ZSWIM6: variants seen among roughly 807,000 people sequenced by gnomAD.
ZSWIM6 encodes the protein zinc finger SWIM domain-containing protein 6.
ZSWIM6 carries 9 observed loss-of-function variants against 113.2 expected under a neutral mutation model. The ratio of observed to expected loss-of-function variants is 0.08; its 90% CI spans 0.05 to 0.14. The LOEUF (loss-of-function observed/expected upper bound fraction) is 0.14. Ranked by LOEUF, ZSWIM6 falls within the 10% of genes least tolerant of loss-of-function variation. The probability of loss-of-function intolerance (pLI) is 1.00; values close to 1 mark genes in which losing one functional copy is unlikely to be tolerated. For missense variants in ZSWIM6, 1,162 were observed against 1,552.2 expected (o/e 0.75, Z 4.22); for synonymous variants, 611 against 606.5 (o/e 1.01, Z -0.11).
intron 1 of ZSWIM6, among the ~76,000 whole-genome samples, chr5:61,453,276 A>G (rs1747122730): frequency 6.6e-6 from 1 of 152,046 alleles, no homozygotes; most frequent in Admixed American, 6.6e-5. Context: ...TATTATATAC[A>G]TTGTGGGATG....
chr5:61,398,106 T>G (rs1165334382), intron 1 of ZSWIM6, among the ~76,000 whole-genome samples: 1 of 152,102 alleles, frequency 6.6e-6, no homozygotes, highest in African/African-American at 2.4e-5. Context: ...GTGGTTCCAG[T>G]TGAAGTGTGG....
intron 1 of ZSWIM6, among the ~76,000 whole-genome samples, chr5:61,380,110 C>G (rs1485167718): frequency 1.3e-5 from 2 of 151,990 alleles, no homozygotes; most frequent in African/African-American, 4.8e-5. Flanking sequence ...AGTTTCGCTC[C>G]TGTCACCCAG....
chr5:61,397,651 T>C (rs966781161), intron 1 of ZSWIM6, among the ~76,000 whole-genome samples: 1 of 152,146 alleles, frequency 6.6e-6, no homozygotes, highest in Non-Finnish European at 1.5e-5. Flanking sequence ...TCAAACATAC[T>C]AAAGGAAAAT....
intron 9 of ZSWIM6, among the ~76,000 whole-genome samples, chr5:61,532,559 A>G (rs952232787): frequency 2.0e-5 from 3 of 152,218 alleles, no homozygotes; most frequent in Admixed American, 1.3e-4. Flanking sequence ...GAACTACTAC[A>G]TATAGGGAAG....
intron 1 of ZSWIM6, among the ~76,000 whole-genome samples, chr5:61,344,744 G>A (rs1187610423): frequency 2.0e-5 from 3 of 152,198 alleles, no homozygotes; most frequent in Non-Finnish European, 4.4e-5. Flanking sequence ...TTTTAGCATG[G>A]CCCTACATCA....
chr5:61,543,433 A>C lies in ZSWIM6; in HGVS notation c.2786-22A>C. 1 of 1,537,322 alleles carries C rather than the reference A, an allele frequency of 6.5e-7. No homozygotes were observed. The highest frequency in any genetic ancestry group is 8.8e-7 in the Non-Finnish European group (1 of 1,139,106). The stretch of plus-strand genomic sequence containing the variant: ...TGGGCAGCCTCCTCGTCAGTAATAG[A>C]GCCTGTTTGTGTTCCTTGCAGGGGT... On this transcript the variant is annotated intron_variant, in intron 13 of 13. Transcript: ENST00000252744. This position sits in a 1 kb window ranked among gnomAD's most constrained non-coding sequence, Gnocchi z 4.3.
At chr5:61,467,601 G>C (rs1185340625) in intron 1 of ZSWIM6, among the ~76,000 whole-genome samples, 1 of 152,156 alleles carries the variant, frequency 6.6e-6, no homozygotes, top group African/African-American at 2.4e-5. Context: ...AGGGGTCCCA[G>C]GACCATACAT....
intron 1 of ZSWIM6, among the ~76,000 whole-genome samples, chr5:61,450,934 GGTTT>G (rs1747074150): frequency 6.6e-6 from 1 of 152,120 alleles, no homozygotes; most frequent in African/African-American, 2.4e-5. Flanking sequence ...ATTAAATTGA[GGTTT>G]GTTTATTTAT....
chr5:61,473,255 T>G (rs902079632), intron 2 of ZSWIM6, among the ~76,000 whole-genome samples: 1 of 152,212 alleles, frequency 6.6e-6, no homozygotes, highest in Non-Finnish European at 1.5e-5. Context: ...TCATACATGT[T>G]AAAGCTTGGT....
chr5:61,443,465 A>G (rs2112149443), intron 1 of ZSWIM6, among the ~76,000 whole-genome samples: 1 of 152,294 alleles, frequency 6.6e-6, no homozygotes, highest in East Asian at 1.9e-4. Context: ...CTAACATAAC[A>G]GATAAGCCTA....
intron 9 of ZSWIM6, among the ~76,000 whole-genome samples, chr5:61,534,607 C>T (rs1007085696): frequency 6.6e-6 from 1 of 152,118 alleles, no homozygotes; most frequent in Non-Finnish European, 1.5e-5. Context: ...AAAAACTTTA[C>T]AGTAACTAAA....
chr5:61,370,144 A>G (rs1745236869), intron 1 of ZSWIM6, among the ~76,000 whole-genome samples: 1 of 152,212 alleles, frequency 6.6e-6, no homozygotes, highest in South Asian at 2.1e-4. Context: ...ATTATGAAAC[A>G]TCCTTATCAT....
At chr5:61,382,887 G>A (rs1438975050) in intron 1 of ZSWIM6, among the ~76,000 whole-genome samples, 2 of 152,164 alleles carry the variant, frequency 1.3e-5, no homozygotes, top group East Asian at 1.9e-4. Flanking sequence ...TAGGAAATTA[G>A]GGAGCTAATT....
intron 1 of ZSWIM6, among the ~76,000 whole-genome samples, chr5:61,440,130 A>AT (rs1746794644): frequency 6.6e-6 from 1 of 152,154 alleles, no homozygotes. Context: ...TGAAAAAAAA[A>AT]GCGCGAGAGT....
chr5:61,498,336 C>A (rs1377361683), intron 4 of ZSWIM6, among the ~76,000 whole-genome samples: 1 of 152,190 alleles, frequency 6.6e-6, no homozygotes, highest in Non-Finnish European at 1.5e-5. Flanking sequence ...AGCGGGTGGG[C>A]TGCCATTGCA....
chr5:61,394,438 A>G (rs1745798416), intron 1 of ZSWIM6, among the ~76,000 whole-genome samples: 1 of 152,220 alleles, frequency 6.6e-6, no homozygotes, highest in Non-Finnish European at 1.5e-5. Flanking sequence ...CTGCTAAGCA[A>G]TATTAATTCT....
chr5:61,537,960 A>G (rs1302174853), intron 10 of ZSWIM6, among the ~76,000 whole-genome samples: 5 of 152,084 alleles, frequency 3.3e-5, no homozygotes, highest in African/African-American at 9.7e-5. Context: ...TTGTTTTGAG[A>G]CAGGGTTTTG....
chr5:61,407,298 A>G (rs893075150), intron 1 of ZSWIM6, among the ~76,000 whole-genome samples: 2 of 152,258 alleles, frequency 1.3e-5, no homozygotes, highest in African/African-American at 4.8e-5. Flanking sequence ...TATCTAGGAA[A>G]AAAAGTACAG....
chr5:61,379,452 G>T (rs879271252), intron 1 of ZSWIM6, among the ~76,000 whole-genome samples: 9 of 152,042 alleles, frequency 5.9e-5, no homozygotes, highest in Non-Finnish European at 1.3e-4. Flanking sequence ...AAATTGTAGG[G>T]ATTTACTTGT....
Sources: gnomAD v4.1 joint callset for allele counts (sites outside exome capture counted in the v4.1 genomes callset) on GRCh38, gnomAD v4.1.1 for gene constraint, Gnocchi (gnomAD v3.1) non-coding constraint, MANE v1.5 for transcripts, NCBI Gene and HGNC (gene_info 2026-07-23, HGNC 2026-07-21) for gene names.